The following GPC5 variants were observed in gnomAD, a reference collection of about 807,000 sequenced individuals.
The protein encoded by GPC5 is glypican 5.
Under a neutral mutation model 53.9 loss-of-function variants are expected in GPC5, and 47 were observed. The observed-to-expected ratio is 0.87, with a 90% CI of 0.69 to 1.11. The LOEUF (loss-of-function observed/expected upper bound fraction) is 1.11, where lower values mean the gene tolerates loss of function less well. GPC5 is among the 50% of genes most tolerant of loss of function. The pLI is 0.00. For missense variants in GPC5, 748 were observed against 713.1 expected (o/e 1.05, Z -0.56); for synonymous variants, 286 against 263.3 (o/e 1.09, Z -0.84).
At chr13:92,199,833 A>C (rs2042281879) in intron 7 of GPC5, among the ~76,000 whole-genome samples, 1 of 152,192 alleles carries the variant, frequency 6.6e-6, no homozygotes, top group African/African-American at 2.4e-5. Flanking sequence ...TTTTTAAAAA[A>C]AGCCACAAGA....
chr13:92,819,698 G>A (rs1426439123), intron 7 of GPC5, among the ~76,000 whole-genome samples: 2 of 152,134 alleles, frequency 1.3e-5, no homozygotes, highest in African/African-American at 4.8e-5. Context: ...GTAGGTATGT[G>A]TTGGCAAGGA....
At chr13:91,774,261 C>G (rs577612013) in intron 5 of GPC5, among the ~76,000 whole-genome samples, 1 of 152,268 alleles carries the variant, frequency 6.6e-6, no homozygotes, top group South Asian at 2.1e-4. Context: ...TGATTTTTAA[C>G]TGCATACAAA....
At chr13:91,797,468 G>A (rs1049742060) in intron 5 of GPC5, among the ~76,000 whole-genome samples, 2 of 152,064 alleles carry the variant, frequency 1.3e-5, no homozygotes, top group African/African-American at 4.8e-5. Flanking sequence ...CCGAATTTTT[G>A]TTTTCCAAAT....
chr13:92,442,317 C>A (rs1877607205), intron 7 of GPC5, among the ~76,000 whole-genome samples: 1 of 152,072 alleles, frequency 6.6e-6, no homozygotes, highest in Non-Finnish European at 1.5e-5. Context: ...TACAGGTAGA[C>A]ATCCTAGGAT....
intron 7 of GPC5, among the ~76,000 whole-genome samples, chr13:92,389,108 T>G: frequency 6.6e-6 from 1 of 152,098 alleles, no homozygotes; most frequent in East Asian, 1.9e-4. Context: ...AACACTGATA[T>G]TGATTTAATG....
In GPC5 at chr13:92,009,253, C is replaced by CGTGTGTGTGTGTGTGTGTGT. The variant is rs3059952; in HGVS notation, c.1401+101209_1401+101228dup. On this transcript the variant is annotated intron_variant, in intron 6 of 7. Coordinates refer to ENST00000377067, the MANE Select transcript of GPC5 (RefSeq NM_004466.6). ...TTTTATCTGTTGAGTGCTGGATTTT[C>CGTGTGTGTGTGTGTGTGTGT]GTGTGTGTGTGTGTGTGTGTGTGTG... 6.1e-4 allele frequency among the ~76,000 whole-genome samples: 85 copies of CGTGTGTGTGTGTGTGTGTGT among 139,830 alleles called. 1 individual carries two copies. Among genetic ancestry groups the CGTGTGTGTGTGTGTGTGTGT allele is most frequent in the South Asian group, 3.1e-3 (12 of 3,904 alleles). 91.7% of individuals were successfully genotyped at this position (139,830 alleles called of 152,430 possible). A position where few individuals can be genotyped will look rare whatever the true frequency, so the allele number is the denominator to read the frequency against.
intron 7 of GPC5, among the ~76,000 whole-genome samples, chr13:92,196,575 T>C (rs2042258121): frequency 6.6e-6 from 1 of 152,206 alleles, no homozygotes; most frequent in Admixed American, 6.5e-5. Context: ...AAAATTTTAG[T>C]CATGAAGTCT....
chr13:91,800,608 A>C (rs186114498), intron 5 of GPC5, among the ~76,000 whole-genome samples: 7 of 152,278 alleles, frequency 4.6e-5, no homozygotes, highest in South Asian at 2.1e-4. Context: ...ATTTTTGTGC[A>C]GAGTACATAA....
chr13:91,435,178 T>C (rs1016701528), intron 1 of GPC5, among the ~76,000 whole-genome samples: 6 of 152,210 alleles, frequency 3.9e-5, no homozygotes, highest in Admixed American at 3.9e-4. Context: ...ATACCCTTTA[T>C]TTCCTTCTCC....
intron 7 of GPC5, among the ~76,000 whole-genome samples, chr13:92,159,672 A>C (rs1000756035): frequency 1.9e-4 from 24 of 125,676 alleles, no homozygotes; most frequent in African/African-American, 7.5e-4. Context: ...GCGCAATCTC[A>C]GTTCACTGCA....
intron 7 of GPC5, among the ~76,000 whole-genome samples, chr13:92,759,700 T>C (rs1025927399): frequency 5.9e-5 from 9 of 152,106 alleles, no homozygotes; most frequent in Non-Finnish European, 1.2e-4. Context: ...TAAATATCTT[T>C]TATTTCTTTT....
At chr13:92,654,811 T>C (rs1473525747) in intron 7 of GPC5, among the ~76,000 whole-genome samples, 1 of 151,656 alleles carries the variant, frequency 6.6e-6, no homozygotes. Flanking sequence ...ACCTGGGCCC[T>C]GTGAATGTGA....
At chr13:91,903,285 A>G (rs1245553286) in intron 5 of GPC5, among the ~76,000 whole-genome samples, 4 of 152,094 alleles carry the variant, frequency 2.6e-5, no homozygotes, top group African/African-American at 9.7e-5. Context: ...TCTCATTGCT[A>G]TATACTATAT....
intron 7 of GPC5, among the ~76,000 whole-genome samples, chr13:92,325,811 A>C (rs1040929779): frequency 6.6e-6 from 1 of 152,098 alleles, no homozygotes; most frequent in African/African-American, 2.4e-5. Context: ...AAGGAGTGAC[A>C]GAAAGAAAAT....
Position 92,585,444 on chromosome 13 carries a change from C to T in GPC5, c.1562-280838C>T, listed in dbSNP as rs528642122. On this transcript the variant is annotated intron_variant, in intron 7 of 7. Transcript: ENST00000377067. ...AGCCAATGCCTCCCATTTGGAATGG[C>T]GGTATTTATCCAGTGCTTGTACCCA... Among the ~76,000 whole-genome samples, 32 of 152,256 alleles carry T rather than the reference C, an allele frequency of 2.1e-4. No homozygotes were observed. In the South Asian group the frequency reaches 2.7e-3, roughly 13 times the overall value.
At chr13:92,833,872 C>T (rs1471273242) in intron 7 of GPC5, among the ~76,000 whole-genome samples, 2 of 152,044 alleles carry the variant, frequency 1.3e-5, no homozygotes, top group Admixed American at 6.6e-5. Flanking sequence ...TAAGAGTTAA[C>T]GTTAGAGAGA....
rs531371795 is a variant in GPC5 at position 91,480,028 on chromosome 13, C to T, written c.325+31106C>T. On this transcript the variant is annotated intron_variant, in intron 2 of 7. Transcript: ENST00000377067. ...TTACTGTTTAAATGGACACTGCACC[C>T]CTACTACATTATGCTATGAGACTAG... Among the ~76,000 whole-genome samples the T allele has an allele frequency of 2.6e-5, 4 of 152,038 alleles. No individual in the cohort carries two copies. The South Asian group carries it at 8.3e-4, about 32-fold the overall frequency.
intron 7 of GPC5, among the ~76,000 whole-genome samples, chr13:92,250,899 T>A (rs2042688044): frequency 6.6e-6 from 1 of 152,066 alleles, no homozygotes. Flanking sequence ...TTATACCGCA[T>A]GTATGAAAAT....
At position 92,198,697 on chromosome 13, in the gene GPC5, A is replaced by C. The variant is rs973292710; in HGVS notation, c.1561+53708A>C. Among the ~76,000 whole-genome samples the C allele has an allele frequency of 3.3e-5, 5 of 152,112 alleles. No individual in the cohort carries two copies. In the East Asian group the frequency reaches 7.7e-4, roughly 24 times the overall value. On this transcript the variant is annotated intron_variant, in intron 7 of 7. Transcript: ENST00000377067. ...GGAAGATTACTTATTGACCTGATAC[A>C]TTTTCACTTCTGATTCAGAGTGGGC...
Sources: gnomAD v4.1 joint callset for allele counts (sites outside exome capture counted in the v4.1 genomes callset) on GRCh38, gnomAD v4.1.1 for gene constraint, MANE v1.5 for transcripts, NCBI Gene and HGNC (gene_info 2026-07-23, HGNC 2026-07-21) for gene names.